Variants in ATL2 observed in about 807,000 individuals in gnomAD.
The protein encoded by ATL2 is atlastin GTPase 2.
A neutral mutation model predicts 73.9 loss-of-function variants in ATL2; 31 were observed. The ratio of observed to expected loss-of-function variants is 0.42; its 90% CI spans 0.32 to 0.57. The LOEUF is 0.57. Ranked by LOEUF, ATL2 falls within the 20% of genes least tolerant of loss-of-function variation. ATL2 has a pLI of 0.14. For synonymous variants in ATL2, 291 were observed against 237.5 expected, an observed-to-expected ratio of 1.23 and a Z score of -2.07; for missense variants, 738 against 702.6, an observed-to-expected ratio of 1.05 and a Z score of -0.57.
At chr2:38,296,614 G>A (rs1308375877) in intron 12 of ATL2, 1 of 1,612,048 alleles carries the variant, frequency 6.2e-7, no homozygotes, top group African/African-American at 1.3e-5. Context: ...TGATTTGTTA[G>A]GAGAATGAAT....
At chr2:38,356,350 A>G (rs995720765) in intron 1 of ATL2, among the ~76,000 whole-genome samples, 4 of 151,378 alleles carry the variant, frequency 2.6e-5, no homozygotes, top group African/African-American at 9.7e-5. Context: ...TGAGCCAGCT[A>G]ATTTTTTTTT....
intron 5 of ATL2, among the ~76,000 whole-genome samples, chr2:38,315,017 C>G (rs1442376535): frequency 6.6e-6 from 1 of 152,194 alleles, no homozygotes; most frequent in Non-Finnish European, 1.5e-5. Flanking sequence ...TTTGGGAGGC[C>G]GAGGCGGGCG....
In ATL2 at chr2:38,353,904, A is replaced by G. The variant is rs546934860; in HGVS notation, c.119-10392T>C. ...AAGCAAAATAAAGACAGCAAAAGCA[A>G]AAGTATGGCCGGGTGCGGTGGCTCA... On this transcript the variant is annotated intron_variant, in intron 1 of 12. Coordinates refer to ENST00000378954, the MANE Select transcript of ATL2 (RefSeq NM_001135673.4). 6.6e-5 allele frequency among the ~76,000 whole-genome samples: 10 copies of G among 152,306 alleles called. No individual in the cohort carries two copies. The East Asian group carries it at 1.4e-3, about 21-fold the overall frequency.
chr2:38,356,970 T>C (rs1395565703), intron 1 of ATL2, among the ~76,000 whole-genome samples: 1 of 152,176 alleles, frequency 6.6e-6, no homozygotes, highest in Non-Finnish European at 1.5e-5. Flanking sequence ...TCAAAAAACT[T>C]TGTGTTTGCT....
chr2:38,364,743 G>T (rs1304131915), intron 1 of ATL2, among the ~76,000 whole-genome samples: 3 of 152,108 alleles, frequency 2.0e-5, no homozygotes, highest in African/African-American at 7.2e-5. Context: ...TCTCTTTTAG[G>T]CTCAAAAAAT....
chr2:38,325,188 T>A (rs942686468), intron 2 of ATL2, among the ~76,000 whole-genome samples: 2 of 152,220 alleles, frequency 1.3e-5, no homozygotes, highest in African/African-American at 4.8e-5. Flanking sequence ...GTAAAAAGTT[T>A]AGAAGTCATC....
chr2:38,309,682 A>C (rs1200850080), intron 8 of ATL2, among the ~76,000 whole-genome samples, 176 bp from the exon 9 acceptor site: 1 of 152,058 alleles, frequency 6.6e-6, no homozygotes, highest in African/African-American at 2.4e-5. Flanking sequence ...AAAAAATATA[A>C]TCCCCCTTAC....
intron 2 of ATL2, among the ~76,000 whole-genome samples, chr2:38,324,656 G>A (rs1199751068): frequency 6.6e-6 from 1 of 152,162 alleles, no homozygotes. Flanking sequence ...CAAGTCATGA[G>A]CCCAGAAAAA....
chr2:38,321,224 T>C (rs544783241), intron 2 of ATL2, among the ~76,000 whole-genome samples: 15 of 152,248 alleles, frequency 9.9e-5, no homozygotes, highest in African/African-American at 3.4e-4. Context: ...TCACCTAACA[T>C]AGCCTTAAAC....
chr2:38,359,040 G>A (rs1341946754), intron 1 of ATL2, among the ~76,000 whole-genome samples: 1 of 152,096 alleles, frequency 6.6e-6, no homozygotes, highest in Non-Finnish European at 1.5e-5. Context: ...GAACTACAAT[G>A]CAAATTACAA....
chr2:38,313,707 T>C (rs1667878738), intron 6 of ATL2, among the ~76,000 whole-genome samples: 1 of 140,200 alleles, frequency 7.1e-6, no homozygotes, highest in Admixed American at 6.9e-5. Flanking sequence ...GGGTCAGCAC[T>C]GCTGACATTT....
intron 2 of ATL2, 99 bp from the exon 3 acceptor site, chr2:38,319,118 CCCGG>C: frequency 1.6e-6 from 2 of 1,288,318 alleles, no homozygotes; most frequent in Admixed American, 2.2e-5. Flanking sequence ...GGAAGCTAAA[CCCGG>C]AAAGACAAAA....
intron 7 of ATL2, among the ~76,000 whole-genome samples, chr2:38,312,435 G>C (rs1042920266): frequency 6.6e-6 from 1 of 151,946 alleles, no homozygotes; most frequent in African/African-American, 2.4e-5. Context: ...TGCTGGCTGG[G>C]TGCGGTGGCT....
chr2:38,371,388 G>C (rs906586499), intron 1 of ATL2, among the ~76,000 whole-genome samples: 2 of 151,908 alleles, frequency 1.3e-5, no homozygotes, highest in Non-Finnish European at 2.9e-5. Flanking sequence ...CACTCCTGTA[G>C]TCTTAGTTAC....
intron 2 of ATL2, among the ~76,000 whole-genome samples, chr2:38,335,561 G>C (rs946737870): frequency 6.6e-5 from 10 of 152,156 alleles, no homozygotes; most frequent in African/African-American, 2.4e-4. Flanking sequence ...ATACAAGTCA[G>C]AACAAAGGTG....
At chr2:38,360,774 G>A (rs554460364) in intron 1 of ATL2, among the ~76,000 whole-genome samples, 2 of 152,154 alleles carry the variant, frequency 1.3e-5, no homozygotes, top group East Asian at 1.9e-4. Flanking sequence ...TTTGTTATGT[G>A]GACCAGATTT....
chr2:38,311,742 A>C (rs979754915), intron 7 of ATL2, among the ~76,000 whole-genome samples: 1 of 152,186 alleles, frequency 6.6e-6, no homozygotes, highest in Non-Finnish European at 1.5e-5. Flanking sequence ...GGCTATGTTC[A>C]TTTTTTATAA....
intron 9 of ATL2, among the ~76,000 whole-genome samples, chr2:38,304,555 G>A (rs923349639): frequency 4.6e-5 from 7 of 152,156 alleles, no homozygotes; most frequent in Admixed American, 2.0e-4. Flanking sequence ...AAGACTAAAA[G>A]ACGAACCTAT....
At chr2:38,363,771 G>A (rs923536442) in intron 1 of ATL2, among the ~76,000 whole-genome samples, 4 of 152,174 alleles carry the variant, frequency 2.6e-5, no homozygotes, top group Non-Finnish European at 5.9e-5. Flanking sequence ...CTAGACAGAA[G>A]TATAATTCAA....
Sources: allele counts gnomAD v4.1 joint callset (sites outside exome capture counted in the v4.1 genomes callset), GRCh38; gene constraint gnomAD v4.1.1; transcripts MANE v1.5; gene names NCBI Gene and HGNC (gene_info 2026-07-23, HGNC 2026-07-21).